ACSM3: variants seen among roughly 807,000 people sequenced by gnomAD.
ACSM3 encodes acyl-CoA synthetase medium chain family member 3.
In ACSM3, 61 loss-of-function variants were observed where a neutral mutation model predicts 74.1. The ratio of observed to expected loss-of-function variants is 0.82; its 90% CI spans 0.67 to 1.02. The LOEUF (loss-of-function observed/expected upper bound fraction) is 1.02. ACSM3 is among the 50% of genes least tolerant of loss of function. The pLI is 0.00. For missense variants in ACSM3, 660 were observed against 697.0 expected, an observed-to-expected ratio of 0.95 and a Z score of 0.60; for synonymous variants, 213 against 241.5, an observed-to-expected ratio of 0.88 and a Z score of 1.09.
Position 20,797,158 on chromosome 16 carries a change from C to T in ACSM3, c.*186C>T. ...ATAAAATATTTGGCAAATTCCTCCA[C>T]ATTAGTGTCAATGTTCCTATCATTT... On this transcript the variant is annotated 3_prime_UTR_variant, in exon 14 of 14. Transcript: ENST00000289416. The T allele has an allele frequency of 7.5e-7, 1 of 1,341,804 alleles. No homozygotes were observed. Among genetic ancestry groups the T allele is most frequent in the Non-Finnish European group, 9.5e-7 (1 of 1,049,368 alleles). 83.1% of individuals were successfully genotyped at this position (1,341,804 alleles called of 1,614,324 possible).
intron 1 of ACSM3, chr16:20,721,462 G>A (rs994675274): frequency 6.6e-6 from 1 of 152,078 alleles, no homozygotes; most frequent in East Asian, 1.9e-4. Context: ...ATAATGTAAG[G>A]GTTTAGATTG....
chr16:20,764,699 G>T (rs1334278608), intron 1 of ACSM3: 2 of 152,210 alleles, frequency 1.3e-5, no homozygotes, highest in African/African-American at 4.8e-5. Context: ...CTCCAGCCTG[G>T]GTGACAGAAC....
chr16:20,741,718 T>C, intron 1 of ACSM3: 8 of 1,576,150 alleles, frequency 5.1e-6, no homozygotes, highest in Non-Finnish European at 6.9e-6. Context: ...GGCTGAGTAG[T>C]CTGCTGGGCA....
intron 6 of ACSM3, 52 bp downstream of exon 6, chr16:20,781,182 G>A (rs768159965): frequency 1.4e-5 from 22 of 1,595,010 alleles, no homozygotes; most frequent in Non-Finnish European, 1.8e-5. Context: ...AAGCAGTATG[G>A]CTGACAGAAC....
chr16:20,792,002 GATAATCCTTCAAAAAC>G lies in ACSM3; in HGVS notation c.1329_1344del (p.Asp443GlufsTer46). 1 of 1,613,912 alleles carries G rather than the reference GATAATCCTTCAAAAAC, an allele frequency of 6.2e-7. No homozygotes were observed. The highest frequency in any genetic ancestry group is 2.2e-5 in the East Asian group (1 of 44,876). ...CAACAAAATGCTATTTGTTTTGCAG[GATAATCCTTCAAAAAC>G]AGCTTCAACTCTACGAGGCAATTTC... On this transcript the variant is annotated frameshift_variant and splice_region_variant, in exon 11 of 14. Coordinates refer to ENST00000289416, the MANE Select transcript of ACSM3 (RefSeq NM_005622.4). LOFTEE classifies it high-confidence loss of function.
intron 1 of ACSM3, chr16:20,685,481 G>T: frequency 7.5e-7 from 1 of 1,336,086 alleles, no homozygotes; most frequent in Non-Finnish European, 1.1e-6. Flanking sequence ...CACAGCCATA[G>T]TCACGTTCCA....
intron 1 of ACSM3, among the ~76,000 whole-genome samples, chr16:20,687,386 C>T (rs374003128): frequency 3.9e-5 from 6 of 152,000 alleles, no homozygotes; most frequent in Non-Finnish European, 8.8e-5. Flanking sequence ...CGAGGTGGGG[C>T]GGGATGCACA....
At chr16:20,687,364 C>A (rs996053521) in intron 1 of ACSM3, among the ~76,000 whole-genome samples, 1 of 151,934 alleles carries the variant, frequency 6.6e-6, no homozygotes, top group Non-Finnish European at 1.5e-5. Context: ...GCCATTTATA[C>A]GGGAAAATTA....
intron 1 of ACSM3, among the ~76,000 whole-genome samples, chr16:20,729,064 A>G (rs2079817246): frequency 6.6e-6 from 1 of 152,256 alleles, no homozygotes; most frequent in Non-Finnish European, 1.5e-5. Flanking sequence ...GCTATGATCA[A>G]GCCAATGCAG....
chr16:20,790,678 C>G lies in ACSM3; in HGVS notation c.1316C>G (p.Thr439Ser). ...VLPNRPFGLFTHYVDNPSKTA... is the reference protein window; with the variant it reads ...VLPNRPFGLFSHYVDNPSKTA... ...CCCAACCGACCATTTGGCCTTTTTA[C>G]TCATTACGTAGTAAGTGACTTACTA... Residue 439 changes from threonine (T) to serine (S), a missense_variant, in exon 10 of 14, where the codon ACT (threonine) becomes AGT (serine). Physicochemically the swap from Thr to Ser is moderately conservative, Grantham distance 58. Transcript: ENST00000289416. This position sits in a 1 kb window ranked among gnomAD's most constrained non-coding sequence, Gnocchi z 4.0. The G allele has an allele frequency of 6.2e-7, 1 of 1,614,072 alleles. No homozygotes were observed. Among genetic ancestry groups the G allele is most frequent in the Non-Finnish European group, 8.5e-7 (1 of 1,179,970 alleles).
intron 1 of ACSM3, among the ~76,000 whole-genome samples, chr16:20,747,086 AC>A (rs1445192549): frequency 2.9e-4 from 44 of 150,982 alleles, no homozygotes; most frequent in Admixed American, 2.8e-3. Context: ...AAAAAAAAAA[AC>A]AAGTTTTCTT....
chr16:20,679,826 T>A (rs1050448858), intron 1 of ACSM3: 1 of 152,196 alleles, frequency 6.6e-6, no homozygotes, highest in Admixed American at 6.5e-5. Flanking sequence ...CCCTATGAAT[T>A]CTGGTTTGAA....
chr16:20,786,057 C>G (rs2080467740), intron 8 of ACSM3, 21 bp from the exon 9 acceptor site: 3 of 1,464,194 alleles, frequency 2.0e-6, no homozygotes, highest in Non-Finnish European at 1.8e-6. Flanking sequence ...TGTTATCTTA[C>G]TTTTTCTTCT....
intron 1 of ACSM3, among the ~76,000 whole-genome samples, chr16:20,689,235 T>C (rs1027797351): frequency 2.6e-5 from 4 of 151,970 alleles, no homozygotes; most frequent in Non-Finnish European, 5.9e-5. Context: ...CAGTATTAAA[T>C]AGATTGCTAG....
In ACSM3 at chr16:20,775,751, T is replaced by C. The variant is rs888895872; in HGVS notation, c.220-88T>C. ...TCTAACTAATGACTTGCGAACTTTC[T>C]TCAGCTAATCTATTCCATTGAGTCA... is the stretch of plus-strand genomic sequence containing the variant. On this transcript the variant is annotated intron_variant, in intron 2 of 13. Transcript: ENST00000289416. The C allele has an allele frequency of 7.6e-5, 103 of 1,359,398 alleles. 1 individual carries two copies. In the Middle Eastern group the frequency reaches 9.3e-4, roughly 12 times the overall value. The allele number at this position is 1,359,398 out of a possible 1,614,324, so 84.2% of individuals were successfully genotyped here. A position where few individuals can be genotyped will look rare whatever the true frequency, so the allele number is the denominator to read the frequency against.
chr16:20,717,956 G>GAAGAAGAAGAAGAAGAAGAA (rs2079769244), intron 1 of ACSM3, among the ~76,000 whole-genome samples: 1 of 74,418 alleles, frequency 1.3e-5, no homozygotes, highest in African/African-American at 4.8e-5. Flanking sequence ...AAGAGGAAGA[G>GAAGAAGAAGAAGAAGAAGAA]GAAGAAGAAG....
rs1191321694 is a variant in ACSM3, at chr16:20,791,989, A to G, written c.1327-13A>G. 3 of 1,613,288 alleles carry G rather than the reference A, an allele frequency of 1.9e-6. No homozygotes were observed. Among genetic ancestry groups the G allele is most frequent in the Admixed American group, 3.3e-5 (2 of 59,900 alleles). ...GGATTCACCATAACAACAAAATGCTATTTGTTTTGCAGGATAATCCTTCAA... is the reference window on the plus strand; with the variant it reads ...GGATTCACCATAACAACAAAATGCTGTTTGTTTTGCAGGATAATCCTTCAA... On this transcript the variant is annotated splice_polypyrimidine_tract_variant and intron_variant, in intron 10 of 13. Coordinates refer to ENST00000289416, the MANE Select transcript of ACSM3 (RefSeq NM_005622.4).
At chr16:20,738,322 A>G in intron 1 of ACSM3, 2 of 415,916 alleles carry the variant, frequency 4.8e-6, no homozygotes, top group South Asian at 1.8e-5. Flanking sequence ...AAAAAAAAAA[A>G]AAAAAATTCT....
At chr16:20,745,753 C>A (rs2079955249) in intron 1 of ACSM3, among the ~76,000 whole-genome samples, 1 of 152,184 alleles carries the variant, frequency 6.6e-6, no homozygotes, top group Non-Finnish European at 1.5e-5. Flanking sequence ...GTGACACATT[C>A]TAGATTCCCT....
Sources: gnomAD v4.1 joint callset for allele counts (sites outside exome capture counted in the v4.1 genomes callset) on GRCh38, gnomAD v4.1.1 for gene constraint, Gnocchi (gnomAD v3.1) non-coding constraint, MANE v1.5 for transcripts, NCBI Gene and HGNC (gene_info 2026-07-23, HGNC 2026-07-21) for gene names.